Variants in PRRC2C observed in about 807,000 individuals in gnomAD.
PRRC2C encodes proline rich coiled-coil 2C, also known as protein PRRC2C.
In PRRC2C, 72 loss-of-function variants were observed where a neutral mutation model predicts 317.2. The observed-to-expected ratio is 0.23, with a 90% CI of 0.19 to 0.28. PRRC2C has a LOEUF of 0.28. Among genes scored for constraint, PRRC2C ranks in the 10% least tolerant of loss-of-function variants. The probability of loss-of-function intolerance (pLI) is 1.00; values close to 1 mark genes in which losing one functional copy is unlikely to be tolerated. For missense variants in PRRC2C, 3,074 were observed against 3,459.7 expected (o/e 0.89, Z 2.80); for synonymous variants, 1,296 against 1,205.9 (o/e 1.07, Z -1.55).
intron 1 of PRRC2C, among the ~76,000 whole-genome samples, chr1:171,496,774 CGTGTGT>C (rs71688813): frequency 0.051 from 7,499 of 146,824 alleles, 205 homozygotes; most frequent in Non-Finnish European, 0.063. Flanking sequence ...ACATTTGGGG[CGTGTGT>C]GTGTGTGTGT....
At position 171,521,894 on chromosome 1, in the gene PRRC2C, T is replaced by G. The variant is rs182778003; in HGVS notation, c.751-283T>G. On this transcript the variant is annotated intron_variant, in intron 6 of 34. Transcript: ENST00000647382. ...TGATACAGTTACTTTAATGTGTACA[T>G]ATCTTGTTGATAGTTACTTTAATGT... Among the ~76,000 whole-genome samples, 266 of 152,352 alleles carry G rather than the reference T, an allele frequency of 1.7e-3. 1 individual carries two copies. The highest frequency in any genetic ancestry group is 5.9e-3 in the African/African-American group (246 of 41,592).
Position 171,579,906 on chromosome 1 carries a change from G to A in PRRC2C, c.7351G>A (p.Ala2451Thr). The A allele has an allele frequency of 6.3e-7, 1 of 1,597,974 alleles. No homozygotes were observed. Among genetic ancestry groups the A allele is most frequent in the Non-Finnish European group, 8.5e-7 (1 of 1,173,868 alleles). The part of the protein sequence containing the change: ...GQHQAQLSLG[A>T]GPAVSQAQEL... ...GCATCAAGCCCAACTGAGTTTGGGGGCTGGCCCTGCTGTTTCCCAGGCTCA... is the reference window on the plus strand; with the variant it reads ...GCATCAAGCCCAACTGAGTTTGGGGACTGGCCCTGCTGTTTCCCAGGCTCA... Residue 2451 changes from alanine (A) to threonine (T), a missense_variant, in exon 28 of 35, where the codon GCT becomes ACT. Ala to Thr is a moderately conservative substitution (Grantham distance 58). Around this residue, in one of 11 missense-constraint regions of PRRC2C, gnomAD observed 490 missense variants for 663.1 expected, o/e 0.74. Coordinates refer to ENST00000647382, the MANE Select transcript of PRRC2C (RefSeq NM_001387844.1).
intron 11 of PRRC2C, among the ~76,000 whole-genome samples, chr1:171,529,142 G>GT (rs1378865318): frequency 2.0e-5 from 3 of 152,092 alleles, no homozygotes; most frequent in African/African-American, 7.2e-5. Flanking sequence ...TCGCTATTTT[G>GT]TTTTTCTTTG....
At chr1:171,514,719 A>C in intron 4 of PRRC2C, 74 bp downstream of exon 4, 1 of 1,281,114 alleles carries the variant, frequency 7.8e-7, no homozygotes, top group Non-Finnish European at 1.1e-6. Flanking sequence ...ATAAGGGGTG[A>C]ACTGTGTTTT....
chr1:171,560,643 G>C (rs1026819901), intron 19 of PRRC2C, among the ~76,000 whole-genome samples: 3 of 152,172 alleles, frequency 2.0e-5, no homozygotes, highest in Non-Finnish European at 4.4e-5. Context: ...ATGATGATTA[G>C]CTTCCTTTTT....
chr1:171,585,880 T>G (rs542880740), intron 30 of PRRC2C, among the ~76,000 whole-genome samples: 6 of 152,214 alleles, frequency 3.9e-5, no homozygotes, highest in African/African-American at 1.4e-4. Flanking sequence ...TTTGTGTGTT[T>G]GCGTATACAT....
At chr1:171,573,038 A>C (rs1685048702) in intron 24 of PRRC2C, among the ~76,000 whole-genome samples, 1 of 152,232 alleles carries the variant, frequency 6.6e-6, no homozygotes, top group Non-Finnish European at 1.5e-5. Context: ...ACTTTAAGCA[A>C]AACTGTATGA....
chr1:171,572,232 A>C (rs1288498225), intron 24 of PRRC2C, among the ~76,000 whole-genome samples: 1 of 152,076 alleles, frequency 6.6e-6, no homozygotes, highest in Non-Finnish European at 1.5e-5. Context: ...CCAGCGATCC[A>C]CCTGCCTCAG....
chr1:171,537,412 C>A lies in PRRC2C; in HGVS notation c.2443C>A (p.Pro815Thr). The A allele has an allele frequency of 6.3e-7, 1 of 1,589,418 alleles. No homozygotes were observed. Among genetic ancestry groups the A allele is most frequent in the East Asian group, 2.3e-5 (1 of 44,102 alleles). Residue 815 changes from proline (P) to threonine (T), a missense_variant, in exon 15 of 35, where the codon CCT (proline) becomes ACT (threonine). Transcript: ENST00000647382. ...TATGCTGTGGGGGTCAGATCCCTAT[C>A]CTCATGCTGAGCCTCAACAAGCAAC... ...PRMLWGSDPY[P>T]HAEPQQATTP...
At position 171,494,656 on chromosome 1, in the gene PRRC2C, T is replaced by G. The variant is rs75021642; in HGVS notation, c.-58+8921T>G. Among the ~76,000 whole-genome samples, 5 of 152,116 alleles carry G rather than the reference T, an allele frequency of 3.3e-5. No individual in the cohort carries two copies. In the East Asian group the frequency reaches 9.7e-4, roughly 29 times the overall value. The stretch of plus-strand genomic sequence containing the variant: ...GGTTACTACAGTCACCCCTTAACAT[T>G]CACAAAGCATATGTCCTAAGATCTT... On this transcript the variant is annotated intron_variant, in intron 1 of 34. Coordinates refer to ENST00000647382, the MANE Select transcript of PRRC2C (RefSeq NM_001387844.1).
intron 16 of PRRC2C, among the ~76,000 whole-genome samples, chr1:171,542,620 TAACC>T (rs1462074087): frequency 1.3e-5 from 2 of 152,210 alleles, no homozygotes. Flanking sequence ...ATTAATGTTA[TAACC>T]ATATACTTTG....
Position 171,520,616 on chromosome 1 carries a change from A to G in PRRC2C, c.751-1561A>G, listed in dbSNP as rs1673366431. ...TATGTCTGGAATGACCAGATGAAGGATTTAATGCAACTTTAGCTATGAACA... is the reference window on the plus strand; with the variant it reads ...TATGTCTGGAATGACCAGATGAAGGGTTTAATGCAACTTTAGCTATGAACA... On this transcript the variant is annotated intron_variant, in intron 6 of 34. Coordinates refer to ENST00000647382, the MANE Select transcript of PRRC2C (RefSeq NM_001387844.1). Among the ~76,000 whole-genome samples the G allele has an allele frequency of 2.0e-5, 3 of 152,182 alleles. 1 individual carries two copies. Among genetic ancestry groups the G allele is most frequent in the Admixed American group, 2.0e-4 (3 of 15,276 alleles).
intron 1 of PRRC2C, among the ~76,000 whole-genome samples, chr1:171,495,746 A>G (rs929635113): frequency 6.6e-6 from 1 of 152,170 alleles, no homozygotes. Flanking sequence ...TAAATGGGCA[A>G]TTTAGTTAAA....
chr1:171,553,151 T>G (rs1680635928), intron 18 of PRRC2C, among the ~76,000 whole-genome samples: 1 of 152,230 alleles, frequency 6.6e-6, no homozygotes, highest in South Asian at 2.1e-4. Context: ...CTGTTACTGG[T>G]CTATTCAGGG....
chr1:171,554,706 C>A (rs1571974713), intron 18 of PRRC2C, among the ~76,000 whole-genome samples: 2 of 152,158 alleles, frequency 1.3e-5, no homozygotes, highest in South Asian at 4.1e-4. Context: ...GATTTTATTT[C>A]TCCTTCACTT....
In PRRC2C at chr1:171,553,941, C is replaced by T. The variant is rs191656906; in HGVS notation, c.5128-3299C>T. ...TGTGATAGTGAGAAGAATGTATATTCTGTTGATTTGGGGTGGAGAGTTCTG... is the reference window on the plus strand; with the variant it reads ...TGTGATAGTGAGAAGAATGTATATTTTGTTGATTTGGGGTGGAGAGTTCTG... On this transcript the variant is annotated intron_variant, in intron 18 of 34. Coordinates refer to ENST00000647382, the MANE Select transcript of PRRC2C (RefSeq NM_001387844.1). Among the ~76,000 whole-genome samples the T allele has an allele frequency of 2.6e-5, 4 of 152,282 alleles. No homozygotes were observed. In the East Asian group the frequency reaches 7.7e-4, roughly 29 times the overall value.
At chr1:171,505,546 A>T (rs1257986975) in intron 1 of PRRC2C, among the ~76,000 whole-genome samples, 1 of 150,620 alleles carries the variant, frequency 6.6e-6, no homozygotes, top group Non-Finnish European at 1.5e-5. Context: ...TTCCAATTTG[A>T]ATTTTTTTTT....
chr1:171,591,363 T>G (rs1572185060), intron 34 of PRRC2C: 1 of 629,112 alleles, frequency 1.6e-6, no homozygotes. Flanking sequence ...TGGTGGGAGG[T>G]GGTCCTGTGG....
At chr1:171,485,879 A>T (rs930243058) in intron 1 of PRRC2C, 144 bp downstream of exon 1, 1 of 152,262 alleles carries the variant, frequency 6.6e-6, no homozygotes, top group East Asian at 2.0e-4. Context: ...GGGTCCGGGC[A>T]TTTCCCTTCT....
Sources: allele counts gnomAD v4.1 joint callset (sites outside exome capture counted in the v4.1 genomes callset), GRCh38; gene constraint gnomAD v4.1.1; regional missense constraint gnomAD v4.1.1; transcripts MANE v1.5; gene names NCBI Gene and HGNC (gene_info 2026-07-23, HGNC 2026-07-21).